ANXA4: variants seen among roughly 807,000 people sequenced by gnomAD.
ANXA4 encodes the protein 35-beta calcimedin.
A neutral mutation model predicts 49.8 loss-of-function variants in ANXA4; 39 were observed. The ratio of observed to expected loss-of-function variants is 0.78; its 90% CI spans 0.61 to 1.02. ANXA4 has a LOEUF of 1.02. ANXA4 is among the 50% of genes least tolerant of loss of function. The pLI is 0.00. For missense variants in ANXA4, 360 were observed against 410.1 expected, an observed-to-expected ratio of 0.88 and a Z score of 1.05; for synonymous variants, 134 against 152.5, an observed-to-expected ratio of 0.88 and a Z score of 0.89.
intron 3 of ANXA4, among the ~76,000 whole-genome samples, chr2:69,795,147 G>C (rs1051923085): frequency 1.3e-5 from 2 of 152,194 alleles, no homozygotes; most frequent in African/African-American, 4.8e-5. Flanking sequence ...ATAGAGGAAA[G>C]TGTTATCTAC....
At chr2:69,682,331 AT>A (rs780268137) in intron 2 of ANXA4, among the ~76,000 whole-genome samples, 3 of 151,644 alleles carry the variant, frequency 2.0e-5, no homozygotes, top group Non-Finnish European at 4.4e-5. Flanking sequence ...TTTTTTTTAA[AT>A]TTTCTTTAAG....
At chr2:69,788,702 G>A (rs1004624596) in intron 3 of ANXA4, among the ~76,000 whole-genome samples, 1 of 151,938 alleles carries the variant, frequency 6.6e-6, no homozygotes, top group African/African-American at 2.4e-5. Flanking sequence ...GCTGGGCGTG[G>A]TGGCGGGCGC....
At chr2:69,792,764 A>G (rs948266015) in intron 3 of ANXA4, among the ~76,000 whole-genome samples, 9 of 152,190 alleles carry the variant, frequency 5.9e-5, no homozygotes, top group African/African-American at 2.2e-4. Flanking sequence ...AGTAGTTTCA[A>G]TCACATGTTA....
Position 69,651,817 on chromosome 2 carries a change from TGGG to T in ANXA4, n.482-1171_482-1169del, listed in dbSNP as rs1218915002. On this transcript the variant is annotated intron_variant and non_coding_transcript_variant, in intron 1 of 3. Coordinates refer to the ANXA4 transcript ENST00000418066. ...GCGCCCGGCTTTTTTTTTTTTTTTT[TGGG>T]GGGGGGGGGCGGGGAGACAGAGTCT... Among the ~76,000 whole-genome samples, 63 of 12,612 alleles carry T rather than the reference TGGG, an allele frequency of 5.0e-3. 1 individual carries two copies. Among genetic ancestry groups the T allele is most frequent in the African/African-American group, 0.017 (58 of 3,482 alleles). 8.3% of individuals were successfully genotyped at this position (12,612 alleles called of 152,430 possible).
intron 1 of ANXA4, among the ~76,000 whole-genome samples, chr2:69,766,110 G>C (rs1420536496): frequency 1.3e-5 from 2 of 152,190 alleles, no homozygotes; most frequent in Non-Finnish European, 2.9e-5. Flanking sequence ...AGGACCTTAC[G>C]GACTTGGTGA....
At chr2:69,725,936 CTT>C (rs959902202) in intron 3 of ANXA4, among the ~76,000 whole-genome samples, 1 of 151,984 alleles carries the variant, frequency 6.6e-6, no homozygotes, top group African/African-American at 2.4e-5. Context: ...GTTCTTGTGA[CTT>C]TTTTTTCACT....
chr2:69,739,484 C>A (rs1357365486), upstream of ANXA4, among the ~76,000 whole-genome samples: 1 of 151,984 alleles, frequency 6.6e-6, no homozygotes, highest in African/African-American at 2.4e-5. Flanking sequence ...TAGCTCACTG[C>A]AGCTTCAAAC....
intron 2 of ANXA4, among the ~76,000 whole-genome samples, chr2:69,682,148 G>A (rs1347274638): frequency 6.6e-6 from 1 of 152,056 alleles, no homozygotes; most frequent in East Asian, 1.9e-4. Context: ...CACCATGCCT[G>A]GCCCGTTCTT....
At chr2:69,710,769 ACTACAGG>A (rs1239261381) in intron 2 of ANXA4, among the ~76,000 whole-genome samples, 1 of 152,170 alleles carries the variant, frequency 6.6e-6, no homozygotes, top group Admixed American at 6.5e-5. Context: ...TACTACAAAC[ACTACAGG>A]CTAACATTTT....
At chr2:69,701,289 C>G (rs1390043149) in intron 2 of ANXA4, among the ~76,000 whole-genome samples, 7 of 152,074 alleles carry the variant, frequency 4.6e-5, no homozygotes, top group Non-Finnish European at 8.8e-5. Context: ...ACCCTCACCA[C>G]CAGCCATCTC....
At position 69,810,609 on chromosome 2, in the gene ANXA4, T is replaced by C. The variant is rs966088250; in HGVS notation, c.413T>C (p.Leu138Pro). The C allele has an allele frequency of 1.2e-6, 2 of 1,614,006 alleles. No individual in the cohort carries two copies. The highest frequency in any genetic ancestry group is 1.7e-6 in the Non-Finnish European group (2 of 1,179,980). ...CTCTTGCTAGAATATGGACGGAGCC[T>C]TGAAGATGACATTCGCTCTGACACA... Reference protein sequence around the residue: ...QTYQQQYGRSLEDDIRSDTSF... With the variant: ...QTYQQQYGRSPEDDIRSDTSF... Residue 138 changes from leucine (L) to proline (P), a missense_variant, in exon 7 of 13, where the codon CTT becomes CCT. By Grantham distance (98) the Leu-to-Pro change is moderately conservative (BLOSUM62 -3). Transcript: ENST00000394295.
chr2:69,716,230 C>T (rs544820963), intron 2 of ANXA4, among the ~76,000 whole-genome samples: 2 of 152,302 alleles, frequency 1.3e-5, no homozygotes, highest in Non-Finnish European at 2.9e-5. Context: ...CCTGTGGTGG[C>T]TCTGTCTAGT....
chr2:69,818,091 TCAC>T (rs1403322368), intron 9 of ANXA4: 1 of 151,668 alleles, frequency 6.6e-6, no homozygotes, highest in Non-Finnish European at 1.5e-5. Flanking sequence ...GGGAACATAT[TCAC>T]CACATTCAAA....
chr2:69,787,199 G>A (rs1306536622), intron 2 of ANXA4, among the ~76,000 whole-genome samples: 1 of 152,172 alleles, frequency 6.6e-6, no homozygotes, highest in Non-Finnish European at 1.5e-5. Context: ...CAAGTCGTTA[G>A]TGTCATCAAA....
intron 9 of ANXA4, chr2:69,818,250 T>C (rs1000833708): frequency 7.5e-5 from 12 of 160,936 alleles, no homozygotes; most frequent in Admixed American, 2.6e-4. Flanking sequence ...AGGGAGGTGA[T>C]TGCCAAGGAC....
intron 3 of ANXA4, among the ~76,000 whole-genome samples, chr2:69,725,312 ATG>A (rs1369777699): frequency 6.6e-6 from 1 of 150,534 alleles, no homozygotes; most frequent in Non-Finnish European, 1.5e-5. Context: ...ATATATTTAA[ATG>A]TATATAAATG....
At chr2:69,722,860 T>G (rs1669849581) in intron 3 of ANXA4, among the ~76,000 whole-genome samples, 1 of 149,888 alleles carries the variant, frequency 6.7e-6, no homozygotes, top group African/African-American at 2.5e-5. Flanking sequence ...AAGCGCAGAG[T>G]AAACCTAAAG....
At chr2:69,757,264 ATATTTTTTTTT>A (rs1436773994) in intron 1 of ANXA4, among the ~76,000 whole-genome samples, 4 of 28,030 alleles carry the variant, frequency 1.4e-4, no homozygotes, top group African/African-American at 6.8e-4. Context: ...ATATATATAT[ATATTTTTTTTT>A]TTTTTTTTTT....
intron 2 of ANXA4, among the ~76,000 whole-genome samples, chr2:69,656,276 CGT>C: frequency 9.9e-6 from 1 of 100,958 alleles, no homozygotes; most frequent in Admixed American, 1.5e-4. Flanking sequence ...TATGTATATA[CGT>C]ATATATATAC....
Sources: allele counts gnomAD v4.1 joint callset (sites outside exome capture counted in the v4.1 genomes callset), GRCh38; gene constraint gnomAD v4.1.1; transcripts MANE v1.5; gene names NCBI Gene and HGNC (gene_info 2026-07-23, HGNC 2026-07-21).